Variants in ADAMTS9 observed in about 807,000 individuals in gnomAD.
ADAMTS9 encodes the protein A disintegrin and metalloproteinase with thrombospondin motifs 9.
ADAMTS9 carries 107 observed loss-of-function variants against 257.1 expected under a neutral mutation model. The ratio of observed to expected loss-of-function variants is 0.42; its 90% CI spans 0.36 to 0.49. The LOEUF is 0.49. ADAMTS9 is among the 20% of genes least tolerant of loss of function. The pLI is 0.03. For missense variants in ADAMTS9, 2,353 were observed against 2,469.1 expected (o/e 0.95, Z 1.00); for synonymous variants, 982 against 880.9 (o/e 1.11, Z -2.03).
chr3:64,597,587 A>G lies in ADAMTS9; in HGVS notation c.4018-596T>C, dbSNP rs747776159. Among the ~76,000 whole-genome samples the G allele has an allele frequency of 3.3e-5, 5 of 152,234 alleles. No homozygotes were observed. The South Asian group carries it at 6.2e-4, about 19-fold the overall frequency. Reference sequence around the variant, plus strand: ...TGAACTTCGGTGGCTAATGGTAGTAAGACTTGTTTTATTTATTTTTTACTT... The same window carrying G: ...TGAACTTCGGTGGCTAATGGTAGTAGGACTTGTTTTATTTATTTTTTACTT... On this transcript the variant is annotated intron_variant, in intron 26 of 39. Coordinates refer to ENST00000498707, the MANE Select transcript of ADAMTS9 (RefSeq NM_182920.2).
intron 22 of ADAMTS9, among the ~76,000 whole-genome samples, chr3:64,609,858 T>A (rs1007871742): frequency 6.6e-6 from 1 of 152,170 alleles, no homozygotes; most frequent in Non-Finnish European, 1.5e-5. Context: ...GGGGGAATCA[T>A]ACCTCACAAT....
intron 28 of ADAMTS9, among the ~76,000 whole-genome samples, chr3:64,575,219 A>G (rs1276899356): frequency 6.6e-6 from 1 of 152,198 alleles, no homozygotes; most frequent in Non-Finnish European, 1.5e-5. Context: ...TTCACCAAGG[A>G]AAAATCTCTT....
rs576426566 is a variant in ADAMTS9, at chr3:64,653,660, A to C, written c.1316+693T>G. 4.6e-5 allele frequency among the ~76,000 whole-genome samples: 7 copies of C among 152,356 alleles called. No individual in the cohort carries two copies. In the East Asian group the frequency reaches 1.4e-3, roughly 29 times the overall value. Reference sequence around the variant, plus strand: ...AAATTATTTCGAAATAGATAGTATAAGTAATTTAATCATCCTAGAAAGAAA... The same window carrying C: ...AAATTATTTCGAAATAGATAGTATACGTAATTTAATCATCCTAGAAAGAAA... On this transcript the variant is annotated intron_variant, in intron 8 of 39. Transcript: ENST00000498707.
chr3:64,605,666 T>C (rs958807747), intron 23 of ADAMTS9, among the ~76,000 whole-genome samples: 1 of 152,328 alleles, frequency 6.6e-6, no homozygotes, highest in South Asian at 2.1e-4. Context: ...TCTCTTTACA[T>C]ACATGATGCC....
chr3:64,647,193 C>T (rs1038035702), intron 11 of ADAMTS9, among the ~76,000 whole-genome samples: 16 of 151,846 alleles, frequency 1.1e-4, no homozygotes, highest in African/African-American at 3.6e-4. Flanking sequence ...TGCCAATTTC[C>T]ATGTGTATTT....
chr3:64,611,864 G>A (rs2084671017), intron 22 of ADAMTS9, among the ~76,000 whole-genome samples: 1 of 152,128 alleles, frequency 6.6e-6, no homozygotes. Flanking sequence ...GGGTGATGAA[G>A]TTTCGTAACT....
At chr3:64,522,095 C>T (rs2082859739) in intron 39 of ADAMTS9, 71 bp downstream of exon 39, 1 of 1,339,846 alleles carries the variant, frequency 7.5e-7, no homozygotes, top group Admixed American at 1.8e-5. Context: ...GATCCTCCCA[C>T]ATTTGCTCAT....
intron 31 of ADAMTS9, among the ~76,000 whole-genome samples, chr3:64,547,687 A>G (rs2083220683): frequency 6.6e-6 from 1 of 151,862 alleles, no homozygotes; most frequent in Non-Finnish European, 1.5e-5. Flanking sequence ...TAGGCTATAG[A>G]TGTTGACTGG....
At chr3:64,653,887 G>A (rs1464011290) in intron 8 of ADAMTS9, among the ~76,000 whole-genome samples, 1 of 152,150 alleles carries the variant, frequency 6.6e-6, no homozygotes, top group Non-Finnish European at 1.5e-5. Context: ...TGTTCCCAGT[G>A]CTAAATATCA....
At chr3:64,545,752 T>G (rs1002241242) in intron 32 of ADAMTS9, among the ~76,000 whole-genome samples, 3 of 152,158 alleles carry the variant, frequency 2.0e-5, no homozygotes, top group African/African-American at 7.2e-5. Flanking sequence ...GAACTTAAAG[T>G]ATAATAATAA....
chr3:64,674,632 G>A (rs960496077), intron 3 of ADAMTS9, among the ~76,000 whole-genome samples: 1 of 152,194 alleles, frequency 6.6e-6, no homozygotes, highest in Non-Finnish European at 1.5e-5. Context: ...GAAAGTGTGT[G>A]GTGAAAGTGC....
Position 64,602,008 on chromosome 3 carries a change from C to T in ADAMTS9, c.3953G>A (p.Ser1318Asn), listed in dbSNP as rs1559786348. 6.2e-7 allele frequency: 1 copy of T among 1,613,978 alleles called. No homozygotes were observed. Among genetic ancestry groups the T allele is most frequent in the Non-Finnish European group, 8.5e-7 (1 of 1,179,962 alleles). Residue 1318 changes from serine to asparagine, a missense_variant, in exon 26 of 40, where the codon AGC becomes AAC. Coordinates refer to ENST00000498707, the MANE Select transcript of ADAMTS9 (RefSeq NM_182920.2). ...CACATGGGTGCGGCTGGGGCTGGCG[C>T]TCCGGGGACGATAGTCCTCATTTTG... ...PFQNEDYRPR[S>N]ASPSRTHVLG...
At chr3:64,581,359 A>T (rs1002753169) in intron 28 of ADAMTS9, among the ~76,000 whole-genome samples, 1 of 152,096 alleles carries the variant, frequency 6.6e-6, no homozygotes, top group African/African-American at 2.4e-5. Context: ...TTTTAAAAAA[A>T]TTTTTAATTT....
At chr3:64,645,911 T>C (rs770350717) in intron 11 of ADAMTS9, among the ~76,000 whole-genome samples, 23 of 152,212 alleles carry the variant, frequency 1.5e-4, no homozygotes, top group Non-Finnish European at 2.9e-4. Context: ...CCTCCTCTTC[T>C]GCAAAAACAG....
intron 28 of ADAMTS9, among the ~76,000 whole-genome samples, chr3:64,573,194 G>T (rs1263923079): frequency 6.6e-6 from 1 of 152,162 alleles, no homozygotes; most frequent in East Asian, 1.9e-4. Flanking sequence ...GCAGATGCCT[G>T]CTATGCAAGG....
At chr3:64,642,878 C>A (rs58489200) in intron 11 of ADAMTS9, among the ~76,000 whole-genome samples, 2 of 151,796 alleles carry the variant, frequency 1.3e-5, no homozygotes, top group African/African-American at 4.8e-5. Flanking sequence ...GCAGAGAGGT[C>A]TGAAGGCCAG....
intron 8 of ADAMTS9, among the ~76,000 whole-genome samples, chr3:64,653,452 C>A (rs1201948489): frequency 6.6e-6 from 1 of 152,078 alleles, no homozygotes; most frequent in African/African-American, 2.4e-5. Flanking sequence ...TAAAAATATA[C>A]CTGTTATATA....
chr3:64,628,142 C>T (rs759820607), intron 16 of ADAMTS9, among the ~76,000 whole-genome samples: 2 of 152,140 alleles, frequency 1.3e-5, no homozygotes, highest in Non-Finnish European at 2.9e-5. Context: ...CATTCTATTC[C>T]GTTAAAGTGT....
At chr3:64,599,557 C>T (rs1004850765) in intron 26 of ADAMTS9, among the ~76,000 whole-genome samples, 2 of 152,186 alleles carry the variant, frequency 1.3e-5, no homozygotes, top group African/African-American at 4.8e-5. Context: ...TGGCAGATGC[C>T]ATCTTCATCT....
Sources: allele counts gnomAD v4.1 joint callset (sites outside exome capture counted in the v4.1 genomes callset), GRCh38; gene constraint gnomAD v4.1.1; transcripts MANE v1.5; gene names NCBI Gene and HGNC (gene_info 2026-07-23, HGNC 2026-07-21).